ATG12: variants seen among roughly 807,000 people sequenced by gnomAD.
ATG12 encodes the protein ubiquitin-like protein ATG12.
ATG12 carries 19 observed loss-of-function variants against 17.6 expected under a neutral mutation model. The observed-to-expected ratio is 1.08, with a 90% CI of 0.75 to 1.58. The LOEUF (loss-of-function observed/expected upper bound fraction) is 1.58. Among genes scored for constraint, ATG12 ranks in the 40% most tolerant of loss-of-function variants. The pLI is 0.00. For missense variants in ATG12, 214 were observed against 162.0 expected (o/e 1.32, Z -1.74); for synonymous variants, 75 against 62.4 (o/e 1.20, Z -0.95).
intron 1 of ATG12, chr5:115,840,696 C>A: frequency 8.3e-7 from 1 of 1,198,326 alleles, no homozygotes; most frequent in South Asian, 1.5e-5. Context: ...TTCCCATAGG[C>A]AACTCTAACT....
chr5:115,840,200 A>ATGGGAGTCTGATTTAAAG (rs1183979652), intron 1 of ATG12, among the ~76,000 whole-genome samples: 11 of 152,240 alleles, frequency 7.2e-5, no homozygotes, highest in African/African-American at 2.2e-4. Context: ...TCAGGTGGAA[A>ATGGGAGTCTGATTTAAAG]TGGGAGTCTG....
At chr5:115,833,660 T>C (rs990594430) in intron 2 of ATG12, 6 of 152,332 alleles carry the variant, frequency 3.9e-5, no homozygotes, top group African/African-American at 7.2e-5. Context: ...ATGTACTCAA[T>C]AGACGTTATT....
intron 1 of ATG12, chr5:115,840,999 C>G: frequency 1.4e-6 from 1 of 693,434 alleles, no homozygotes; most frequent in Non-Finnish European, 2.2e-6. Flanking sequence ...CCAGGCTTTG[C>G]CAATGACCAC....
chr5:115,836,186 T>C (rs1016136679), intron 2 of ATG12, among the ~76,000 whole-genome samples: 4 of 152,198 alleles, frequency 2.6e-5, no homozygotes, highest in African/African-American at 9.7e-5. Flanking sequence ...ATGAAATTGT[T>C]TTCATAGGGT....
Position 115,830,031 on chromosome 5 carries a change from C to G in ATG12, c.*1773G>C, listed in dbSNP as rs534167497. Reference sequence around the variant, plus strand: ...ACTCAGGAGGCTGAGGCAGGAGAATCACTTGAACCCGGGAGGTAGAGGTTG... The same window carrying G: ...ACTCAGGAGGCTGAGGCAGGAGAATGACTTGAACCCGGGAGGTAGAGGTTG... On this transcript the variant is annotated 3_prime_UTR_variant, in exon 4 of 4. Coordinates refer to ENST00000509910, the MANE Select transcript of ATG12 (RefSeq NM_004707.4). 1.3e-5 allele frequency: 2 copies of G among 149,878 alleles called. No individual in the cohort carries two copies. The highest frequency in any genetic ancestry group is 3.9e-4 in the East Asian group (2 of 5,088). The allele number at this position is 149,878 out of a possible 1,614,324, so 9.3% of individuals were successfully genotyped here.
intron 1 of ATG12, 75 bp downstream of exon 1, chr5:115,841,315 T>C: frequency 1.3e-6 from 2 of 1,592,208 alleles, no homozygotes; most frequent in East Asian, 4.5e-5. Context: ...AAATTTTGCT[T>C]CTTTACTGGC....
At chr5:115,833,358 T>C (rs1315163229) in intron 2 of ATG12, 1 of 151,990 alleles carries the variant, frequency 6.6e-6, no homozygotes, top group African/African-American at 2.4e-5. Flanking sequence ...GGGACTAAAA[T>C]GTCCTGGATT....
chr5:115,838,471 G>A (rs1761195378), intron 1 of ATG12: 1 of 152,176 alleles, frequency 6.6e-6, no homozygotes, highest in Non-Finnish European at 1.5e-5. Flanking sequence ...CCAACAGCAT[G>A]TATAATATCT....
chr5:115,840,595 G>A lies in ATG12; in HGVS notation c.163+795C>T, dbSNP rs371320468. ...TTACAGGAGTGAGCCACCGCGCCCG[G>A]CCAGAGACCACTGTCATCTTAAGAC... is the stretch of plus-strand genomic sequence containing the variant. On this transcript the variant is annotated intron_variant, in intron 1 of 3. Transcript: ENST00000509910. The A allele has an allele frequency of 1.1e-4, 145 of 1,278,902 alleles. 1 individual carries two copies. The East Asian group carries it at 6.0e-3, about 53-fold the overall frequency. 79.2% of individuals were successfully genotyped at this position (1,278,902 alleles called of 1,614,324 possible).
chr5:115,839,815 C>T (rs190058674), intron 1 of ATG12, among the ~76,000 whole-genome samples: 1 of 152,254 alleles, frequency 6.6e-6, no homozygotes, highest in Admixed American at 6.5e-5. Flanking sequence ...TAATGACAAG[C>T]ACAAGGTAGG....
intron 2 of ATG12, among the ~76,000 whole-genome samples, chr5:115,836,609 T>C (rs763917332): frequency 1.3e-5 from 2 of 152,170 alleles, no homozygotes; most frequent in African/African-American, 2.4e-5. Flanking sequence ...GTTTTACCCA[T>C]GCACACGCCT....
Position 115,831,246 on chromosome 5 carries a change from T to C in ATG12, c.*558A>G, listed in dbSNP as rs191608381. The C allele has an allele frequency of 5.5e-3, 842 of 154,112 alleles. 3 individuals carry two copies. The highest frequency in any genetic ancestry group is 0.027 in the Middle Eastern group (8 of 300). The allele number at this position is 154,112 out of a possible 1,614,324, so 9.5% of individuals were successfully genotyped here. On this transcript the variant is annotated 3_prime_UTR_variant, in exon 4 of 4. Transcript: ENST00000509910. ...CTATGTGCTTGCTCTCCTGGCTAGATATTAGCTAAAAATTAGCAAAAACAG... is the reference window on the plus strand; with the variant it reads ...CTATGTGCTTGCTCTCCTGGCTAGACATTAGCTAAAAATTAGCAAAAACAG...
In ATG12 at chr5:115,841,565, C is replaced by G. The variant is rs7724740; in HGVS notation, c.-13G>C. The stretch of plus-strand genomic sequence containing the variant: ...GCTCCTCCGCCATCTTGCTTGGAGA[C>G]ACTCGAGAGCGGAAGTAGCGACTGA... On this transcript the variant is annotated 5_prime_UTR_variant, in exon 1 of 4. Transcript: ENST00000509910. 0.022 allele frequency: 35,664 copies of G among 1,613,942 alleles called. 4,144 individuals carry two copies. In the African/African-American group the frequency reaches 0.32, roughly 14 times the overall value.
chr5:115,835,603 T>G (rs1201128489), intron 2 of ATG12, among the ~76,000 whole-genome samples: 2 of 151,942 alleles, frequency 1.3e-5, no homozygotes, highest in African/African-American at 4.9e-5. Context: ...TGGGTCCATT[T>G]TGAGATTGTT....
Position 115,829,572 on chromosome 5 carries a change from A to C in ATG12, c.*2232T>G, listed in dbSNP as rs1212898467. On this transcript the variant is annotated 3_prime_UTR_variant, in exon 4 of 4. Transcript: ENST00000509910. ...CCATGGGTCATCTATGCACAGTAAG[A>C]TGAAGCATGATATTAATGACATCTA... 6.6e-6 allele frequency: 1 copy of C among 152,222 alleles called. No homozygotes were observed. Among genetic ancestry groups the C allele is most frequent in the African/African-American group, 2.4e-5 (1 of 41,458 alleles). 9.4% of individuals were successfully genotyped at this position (152,222 alleles called of 1,614,324 possible).
intron 2 of ATG12, 42 bp from the exon 3 acceptor site, chr5:115,832,706 C>A: frequency 6.9e-7 from 1 of 1,445,510 alleles, no homozygotes; most frequent in Non-Finnish European, 9.1e-7. Flanking sequence ...TAATGGTATC[C>A]TGATTAATCT....
chr5:115,832,848 G>A, intron 2 of ATG12, 184 bp from the exon 3 acceptor site: 1 of 503,960 alleles, frequency 2.0e-6, no homozygotes, highest in Non-Finnish European at 3.4e-6. Context: ...TTTTCCTCCA[G>A]AGGAATAAAA....
At position 115,841,431 on chromosome 5, in the gene ATG12, G is replaced by A. The variant is rs767663040; in HGVS notation, c.122C>T (p.Ser41Phe). ...TPEPPSSAAV[S>F]PGTEEPAGDT... ...GCCAGCAGGTTCCTCTGTTCCCGGG[G>A]AAACTGCAGCGGAAGACGGGGGCTC... Residue 41 changes from serine to phenylalanine, a missense_variant, in exon 1 of 4, where the codon TCC (serine) becomes TTC (phenylalanine). Coordinates refer to ENST00000509910, the MANE Select transcript of ATG12 (RefSeq NM_004707.4). The A allele has an allele frequency of 5.0e-6, 8 of 1,610,060 alleles. No homozygotes were observed. Among genetic ancestry groups the A allele is most frequent in the Non-Finnish European group, 5.9e-6 (7 of 1,179,050 alleles).
In ATG12 at chr5:115,830,097, A is replaced by C. The variant is rs943313194; in HGVS notation, c.*1707T>G. ...GTGCCATTACAGTCCAGCCTGGGCA[A>C]CAAGACCGAAACGCTGTCTCTTTAA... On this transcript the variant is annotated 3_prime_UTR_variant, in exon 4 of 4. Coordinates refer to ENST00000509910, the MANE Select transcript of ATG12 (RefSeq NM_004707.4). 2 of 149,406 alleles carry C rather than the reference A, an allele frequency of 1.3e-5. No homozygotes were observed. The highest frequency in any genetic ancestry group is 2.5e-5 in the African/African-American group (1 of 40,036). The allele number at this position is 149,406 out of a possible 1,614,324, so 9.3% of individuals were successfully genotyped here. A position where few individuals can be genotyped will look rare whatever the true frequency, so the allele number is the denominator to read the frequency against.
Sources: gnomAD v4.1 joint callset for allele counts (sites outside exome capture counted in the v4.1 genomes callset) on GRCh38, gnomAD v4.1.1 for gene constraint, MANE v1.5 for transcripts, NCBI Gene and HGNC (gene_info 2026-07-23, HGNC 2026-07-21) for gene names.